The following CERS3 variants were observed in gnomAD, a reference collection of about 807,000 sequenced individuals.
CERS3 encodes ceramide synthase 3.
Under a neutral mutation model 50.3 loss-of-function variants are expected in CERS3, and 33 were observed. The observed-to-expected ratio is 0.66, with a 90% CI of 0.50 to 0.88. The LOEUF is 0.88. CERS3 is among the 40% of genes least tolerant of loss of function. CERS3 has a pLI of 0.00. For missense variants in CERS3, 470 were observed against 460.3 expected (o/e 1.02, Z -0.19); for synonymous variants, 176 against 155.2 (o/e 1.13, Z -0.99).
chr15:100,511,676 G>A (rs56140051), intron 2 of CERS3, among the ~76,000 whole-genome samples: 3,360 of 11,622 alleles, frequency 0.29, 1,436 homozygotes, highest in Admixed American at 0.49. Flanking sequence ...TACATGCCCT[G>A]GAGAGGAGCA....
At chr15:100,465,234 T>G (rs116450196) in intron 10 of CERS3, among the ~76,000 whole-genome samples, 32 of 151,814 alleles carry the variant, frequency 2.1e-4, no homozygotes, top group African/African-American at 7.7e-4. Flanking sequence ...GTGAAATAGG[T>G]TAGTTAAGCC....
chr15:100,416,039 T>C (rs2031877458), intron 11 of CERS3, among the ~76,000 whole-genome samples: 1 of 152,100 alleles, frequency 6.6e-6, no homozygotes, highest in Non-Finnish European at 1.5e-5. Flanking sequence ...GAAAAGTCAA[T>C]ATTGTTAAAA....
chr15:100,441,025 C>T (rs1325025989), intron 11 of CERS3, among the ~76,000 whole-genome samples: 1 of 152,158 alleles, frequency 6.6e-6, no homozygotes, highest in Non-Finnish European at 1.5e-5. Flanking sequence ...GGTGTCAGAC[C>T]ACGCAGGGAT....
intron 11 of CERS3, among the ~76,000 whole-genome samples, chr15:100,449,232 C>T (rs2034062044): frequency 6.6e-6 from 1 of 152,248 alleles, no homozygotes; most frequent in Admixed American, 6.5e-5. Context: ...ACAGCTAGTA[C>T]TCACCTGCAC....
At chr15:100,499,944 G>C (rs1222203816) in intron 3 of CERS3, among the ~76,000 whole-genome samples, 2 of 152,112 alleles carry the variant, frequency 1.3e-5, no homozygotes, top group Non-Finnish European at 2.9e-5. Flanking sequence ...CCTTGGCCAG[G>C]TCATTTACCT....
upstream of CERS3, among the ~76,000 whole-genome samples, chr15:100,531,433 T>C (rs920424338): frequency 1.3e-5 from 2 of 152,088 alleles, no homozygotes; most frequent in African/African-American, 4.8e-5. Flanking sequence ...AGTGAGGAAC[T>C]CGGAGGGTTT....
At chr15:100,510,711 T>C (rs1356805130) in intron 2 of CERS3, among the ~76,000 whole-genome samples, 1 of 152,198 alleles carries the variant, frequency 6.6e-6, no homozygotes, top group African/African-American at 2.4e-5. Context: ...CATGTCCTGG[T>C]TTCTCTCTGC....
rs2035742061 is a variant in CERS3, at chr15:100,494,249, A to G, written c.174-3318T>C. Reference sequence around the variant, plus strand: ...TATATATATATATATATATATATATATATATATATTTGTTTTGAGATGGAG... The same window carrying G: ...TATATATATATATATATATATATATGTATATATATTTGTTTTGAGATGGAG... On this transcript the variant is annotated intron_variant, in intron 3 of 11. Coordinates refer to ENST00000679737, the MANE Select transcript of CERS3 (RefSeq NM_001378789.1). 2.9e-4 allele frequency among the ~76,000 whole-genome samples: 5 copies of G among 17,416 alleles called. No homozygotes were observed. In the South Asian group the frequency reaches 4.8e-3, roughly 17 times the overall value. 11.4% of individuals were successfully genotyped at this position (17,416 alleles called of 152,430 possible). A position where few individuals can be genotyped will look rare whatever the true frequency, so the allele number is the denominator to read the frequency against.
At chr15:100,417,293 C>A (rs1444512880) in intron 11 of CERS3, among the ~76,000 whole-genome samples, 4 of 151,940 alleles carry the variant, frequency 2.6e-5, no homozygotes, top group Non-Finnish European at 5.9e-5. Flanking sequence ...TCGGGGAGTT[C>A]CCTTTCCGAG....
At chr15:100,531,626 T>G (rs1428150280), upstream of CERS3, among the ~76,000 whole-genome samples, 1 of 152,160 alleles carries the variant, frequency 6.6e-6, no homozygotes, top group African/African-American at 2.4e-5. Flanking sequence ...TACTTGTGCC[T>G]CACCATAAAT....
intron 10 of CERS3, among the ~76,000 whole-genome samples, chr15:100,467,821 GT>G (rs2142230748): frequency 3.0e-5 from 2 of 67,504 alleles, no homozygotes; most frequent in South Asian, 1.0e-3. Flanking sequence ...CTATATATAT[GT>G]GTATATATAT....
chr15:100,502,573 T>A (rs79491225), intron 2 of CERS3, among the ~76,000 whole-genome samples: 2,260 of 152,314 alleles, frequency 0.015, 64 homozygotes, highest in African/African-American at 0.052. Context: ...TCATCACTAG[T>A]ACCCTAAAAA....
chr15:100,477,004 G>C (rs67396075), intron 7 of CERS3, among the ~76,000 whole-genome samples: 1 of 152,102 alleles, frequency 6.6e-6, no homozygotes, highest in Non-Finnish European at 1.5e-5. Flanking sequence ...TATGAATGAC[G>C]TCACCATAGA....
chr15:100,429,656 A>G (rs978387140), intron 11 of CERS3, among the ~76,000 whole-genome samples: 1 of 152,174 alleles, frequency 6.6e-6, no homozygotes, highest in Non-Finnish European at 1.5e-5. Context: ...TTTTCCAAAC[A>G]TTTAAAGATA....
At chr15:100,506,650 C>T (rs1200343399) in intron 2 of CERS3, among the ~76,000 whole-genome samples, 1 of 152,176 alleles carries the variant, frequency 6.6e-6, no homozygotes, top group Non-Finnish European at 1.5e-5. Context: ...GTATGGATGA[C>T]TCTTGAAAAG....
chr15:100,446,373 T>C (rs1334963125), intron 11 of CERS3, among the ~76,000 whole-genome samples: 1 of 140,550 alleles, frequency 7.1e-6, no homozygotes, highest in East Asian at 2.0e-4. Flanking sequence ...GGTTTTTTTT[T>C]TTTTTTTTCT....
At chr15:100,501,879 T>A (rs1165910510) in intron 2 of CERS3, 29 bp from the exon 3 acceptor site, 3 of 1,606,586 alleles carry the variant, frequency 1.9e-6, no homozygotes, top group Non-Finnish European at 2.6e-6. Context: ...ACATTAGGCT[T>A]GTAAAACAAA....
At chr15:100,509,808 A>G (rs2036288173) in intron 2 of CERS3, among the ~76,000 whole-genome samples, 2 of 152,128 alleles carry the variant, frequency 1.3e-5, no homozygotes, top group Non-Finnish European at 2.9e-5. Flanking sequence ...TATTTATTGA[A>G]TGAATGGATG....
intron 5 of CERS3, among the ~76,000 whole-genome samples, chr15:100,482,053 AC>A (rs1349103326): frequency 1.3e-5 from 2 of 152,230 alleles, no homozygotes; most frequent in African/African-American, 4.8e-5. Context: ...AATAGGTATA[AC>A]ACACACAAAT....
Sources: allele counts gnomAD v4.1 joint callset (sites outside exome capture counted in the v4.1 genomes callset), GRCh38; gene constraint gnomAD v4.1.1; transcripts MANE v1.5; gene names NCBI Gene and HGNC (gene_info 2026-07-23, HGNC 2026-07-21).